The following TMC1 variants were observed in gnomAD, a reference collection of about 807,000 sequenced individuals.
TMC1 encodes the protein transmembrane channel-like protein 1.
In TMC1, 84 loss-of-function variants were observed where a neutral mutation model predicts 105.8. The observed-to-expected ratio is 0.79, with a 90% CI of 0.67 to 0.95. The LOEUF (loss-of-function observed/expected upper bound fraction) is 0.95. Ranked by LOEUF, TMC1 falls within the 40% of genes least tolerant of loss-of-function variation. The pLI is 0.00. For synonymous variants in TMC1, 315 were observed against 311.5 expected (o/e 1.01, Z -0.12); for missense variants, 817 against 914.1 (o/e 0.89, Z 1.37).
chr9:72,756,545 C>G (rs1036355981), intron 12 of TMC1, among the ~76,000 whole-genome samples: 1 of 152,106 alleles, frequency 6.6e-6, no homozygotes, highest in Non-Finnish European at 1.5e-5. Context: ...TTTCAAATTT[C>G]AAATAATGCA....
intron 8 of TMC1, among the ~76,000 whole-genome samples, chr9:72,705,513 G>A (rs943490919): frequency 5.9e-5 from 9 of 152,212 alleles, no homozygotes; most frequent in African/African-American, 1.7e-4. Context: ...GTCGCAGGGA[G>A]AGCTACTGGG....
At chr9:72,826,742 A>G in intron 20 of TMC1, 127 bp from the exon 21 acceptor site, 1 of 986,048 alleles carries the variant, frequency 1.0e-6, no homozygotes, top group Non-Finnish European at 1.6e-6. Context: ...TTGTAGCTAA[A>G]CATCAGATTC....
At chr9:72,742,863 T>G (rs1827413427) in intron 10 of TMC1, among the ~76,000 whole-genome samples, 1 of 152,234 alleles carries the variant, frequency 6.6e-6, no homozygotes, top group South Asian at 2.1e-4. Context: ...GATTTTATTT[T>G]GGCAATGAAC....
At chr9:72,571,441 G>T (rs999745794) in intron 1 of TMC1, among the ~76,000 whole-genome samples, 1 of 106,734 alleles carries the variant, frequency 9.4e-6, no homozygotes, top group Non-Finnish European at 1.8e-5. Context: ...TCAACCTCAC[G>T]CTTTTTTTTT....
chr9:72,683,519 T>A (rs1268261913), intron 5 of TMC1, among the ~76,000 whole-genome samples: 1 of 148,126 alleles, frequency 6.8e-6, no homozygotes. Context: ...AAAGAGGTTT[T>A]TTTTTAAAAA....
At chr9:72,765,405 T>C (rs1460568948) in intron 12 of TMC1, among the ~76,000 whole-genome samples, 1 of 151,894 alleles carries the variant, frequency 6.6e-6, no homozygotes, top group Non-Finnish European at 1.5e-5. Flanking sequence ...TGGCTGTGGT[T>C]GAGAGGTCAA....
intron 6 of TMC1, among the ~76,000 whole-genome samples, chr9:72,690,601 T>C (rs1826449028): frequency 6.6e-6 from 1 of 152,136 alleles, no homozygotes; most frequent in African/African-American, 2.4e-5. Context: ...TGAGCATAGC[T>C]TTCTTGGTTG....
At chr9:72,759,011 G>C (rs1827712800) in intron 12 of TMC1, among the ~76,000 whole-genome samples, 1 of 152,084 alleles carries the variant, frequency 6.6e-6, no homozygotes, top group Non-Finnish European at 1.5e-5. Flanking sequence ...AATTAAACAG[G>C]TATTGGGTGA....
intron 5 of TMC1, among the ~76,000 whole-genome samples, chr9:72,665,653 C>G (rs1329975322): frequency 6.6e-6 from 1 of 152,220 alleles, no homozygotes; most frequent in African/African-American, 2.4e-5. Flanking sequence ...ACTGGTGACT[C>G]AGGCTCTAGT....
rs1828205031 is a variant in TMC1 at position 72,788,362 on chromosome 9, A to G, written c.908A>G (p.Asp303Gly). 1 of 1,614,024 alleles carries G rather than the reference A, an allele frequency of 6.2e-7. No individual in the cohort carries two copies. The highest frequency in any genetic ancestry group is 8.5e-7 in the Non-Finnish European group (1 of 1,179,930). ...AGAATGACCAAAAACATTGGTGATGATGGAGGTGGAGATGACAACACTTTC... is the reference window on the plus strand; with the variant it reads ...AGAATGACCAAAAACATTGGTGATGGTGGAGGTGGAGATGACAACACTTTC... ...LKAMTKNIGD[D>G]GGGDDNTFNF... The change falls in exon 14 of 24, where the codon GAT becomes GGT. Residue 303 changes from aspartate (D) to glycine (G), a missense_variant. Coordinates refer to ENST00000297784, the MANE Select transcript of TMC1 (RefSeq NM_138691.3).
chr9:72,549,268 T>TTG (rs1823820432), intron 1 of TMC1, among the ~76,000 whole-genome samples: 2 of 152,194 alleles, frequency 1.3e-5, no homozygotes, highest in South Asian at 2.1e-4. Context: ...ATTAATTTTT[T>TTG]TGTGTGTGTG....
intron 2 of TMC1, among the ~76,000 whole-genome samples, chr9:72,590,047 C>CT (rs1824611792): frequency 6.6e-6 from 1 of 152,188 alleles, no homozygotes; most frequent in Non-Finnish European, 1.5e-5. Flanking sequence ...TTGGCTGCCT[C>CT]TCCTCCTTGT....
intron 11 of TMC1, among the ~76,000 whole-genome samples, chr9:72,754,149 A>G (rs1588066681): frequency 6.6e-6 from 1 of 151,966 alleles, no homozygotes; most frequent in Non-Finnish European, 1.5e-5. Context: ...TCACCAAGGC[A>G]CCTTCCTATG....
intron 5 of TMC1, chr9:72,656,084 C>T: frequency 1.4e-6 from 1 of 693,020 alleles, no homozygotes; most frequent in Non-Finnish European, 2.7e-6. Flanking sequence ...ATCAAGTCAG[C>T]ACACACCTTC....
At chr9:72,605,913 C>A (rs757938661) in intron 2 of TMC1, among the ~76,000 whole-genome samples, 1 of 152,096 alleles carries the variant, frequency 6.6e-6, no homozygotes, top group Non-Finnish European at 1.5e-5. Context: ...TTAACTTAAT[C>A]ACTTCTTTGA....
intron 7 of TMC1, among the ~76,000 whole-genome samples, chr9:72,696,492 T>A (rs1321641626): frequency 4.6e-5 from 7 of 152,332 alleles, no homozygotes; most frequent in East Asian, 3.9e-4. Context: ...ATCTTTTTTT[T>A]AAAAGAAAAT....
chr9:72,569,854 CCT>C, intron 1 of TMC1, among the ~76,000 whole-genome samples: 1 of 152,226 alleles, frequency 6.6e-6, no homozygotes, highest in African/African-American at 2.4e-5. Flanking sequence ...GGCTGATCCC[CCT>C]GAGTGCTGTC....
intron 8 of TMC1, among the ~76,000 whole-genome samples, chr9:72,737,212 C>T (rs566275601): frequency 6.6e-6 from 1 of 152,134 alleles, no homozygotes; most frequent in Non-Finnish European, 1.5e-5. Flanking sequence ...CCTGGCGTTT[C>T]TTGTGGATAG....
intron 5 of TMC1, among the ~76,000 whole-genome samples, chr9:72,652,036 T>G (rs989785500): frequency 5.9e-5 from 9 of 152,166 alleles, no homozygotes; most frequent in African/African-American, 2.2e-4. Flanking sequence ...GTTGCTTCAC[T>G]TACAATAATA....
Sources: allele counts gnomAD v4.1 joint callset (sites outside exome capture counted in the v4.1 genomes callset), GRCh38; gene constraint gnomAD v4.1.1; transcripts MANE v1.5; gene names NCBI Gene and HGNC (gene_info 2026-07-23, HGNC 2026-07-21).